RFTN2: variants seen among roughly 807,000 people sequenced by gnomAD.
RFTN2 encodes raftlin-2.
A neutral mutation model predicts 52.7 loss-of-function variants in RFTN2; 34 were observed. The observed-to-expected ratio is 0.64, with a 90% CI of 0.49 to 0.86. RFTN2 has a LOEUF of 0.86. Ranked by LOEUF, RFTN2 falls within the 40% of genes least tolerant of loss-of-function variation. The pLI is 0.00. For synonymous variants in RFTN2, 203 were observed against 217.7 expected (o/e 0.93, Z 0.59); for missense variants, 536 against 600.1 (o/e 0.89, Z 1.12).
At chr2:197,621,428 G>A (rs2088264104) in intron 5 of RFTN2, among the ~76,000 whole-genome samples, 1 of 135,126 alleles carries the variant, frequency 7.4e-6, no homozygotes, top group African/African-American at 2.8e-5. Context: ...TCAAATTGAA[G>A]GTTTGTGGCA....
chr2:197,574,859 A>T (rs975520449), intron 8 of RFTN2, among the ~76,000 whole-genome samples: 2 of 142,100 alleles, frequency 1.4e-5, no homozygotes, highest in South Asian at 4.6e-4. Flanking sequence ...CAAGAGAAAG[A>T]CTCCATCTCA....
At chr2:197,606,860 G>A (rs1349147879) in intron 7 of RFTN2, among the ~76,000 whole-genome samples, 1 of 151,952 alleles carries the variant, frequency 6.6e-6, no homozygotes, top group African/African-American at 2.4e-5. Context: ...GGAGAAATAG[G>A]AACACTTTTA....
Position 197,675,479 on chromosome 2 carries a change from A to G in RFTN2, c.-21T>C. 1 of 1,508,700 alleles carries G rather than the reference A, an allele frequency of 6.6e-7. No individual in the cohort carries two copies. The highest frequency in any genetic ancestry group is 8.9e-7 in the Non-Finnish European group (1 of 1,126,786). The allele number at this position is 1,508,700 out of a possible 1,614,324, so 93.5% of individuals were successfully genotyped here. On this transcript the variant is annotated 5_prime_UTR_variant, in exon 1 of 9. Coordinates refer to ENST00000295049, the MANE Select transcript of RFTN2 (RefSeq NM_144629.3). Reference sequence around the variant, plus strand: ...CCCATGGCAAAATCTGTAAGGAATTAAATTGCAGGAAAGGGGAGGGAGAGC... The same window carrying G: ...CCCATGGCAAAATCTGTAAGGAATTGAATTGCAGGAAAGGGGAGGGAGAGC...
chr2:197,610,667 G>A (rs2088041861), intron 7 of RFTN2, among the ~76,000 whole-genome samples: 1 of 152,108 alleles, frequency 6.6e-6, no homozygotes, highest in East Asian at 1.9e-4. Flanking sequence ...GGAGTGGTGA[G>A]AGAGGGCATC....
At chr2:197,630,920 G>T in intron 5 of RFTN2, 91 bp downstream of exon 5, 1 of 816,760 alleles carries the variant, frequency 1.2e-6, no homozygotes, top group Non-Finnish European at 2.1e-6. Flanking sequence ...TGTCCTTTCA[G>T]CCATAGAACT....
At chr2:197,595,644 C>T (rs1171328914) in intron 8 of RFTN2, among the ~76,000 whole-genome samples, 1 of 152,212 alleles carries the variant, frequency 6.6e-6, no homozygotes, top group Admixed American at 6.5e-5. Flanking sequence ...GGTGATTAGA[C>T]ACGTTTACAA....
intron 7 of RFTN2, among the ~76,000 whole-genome samples, chr2:197,599,465 GAA>G (rs2087847150): frequency 6.6e-6 from 1 of 152,156 alleles, no homozygotes; most frequent in South Asian, 2.1e-4. Flanking sequence ...CCCAAATTAT[GAA>G]AGAGTATCTC....
At chr2:197,649,600 T>C (rs540092412) in intron 1 of RFTN2, among the ~76,000 whole-genome samples, 18 of 152,304 alleles carry the variant, frequency 1.2e-4, no homozygotes, top group African/African-American at 4.1e-4. Flanking sequence ...TTGGAGTCAC[T>C]GTCAGGGCAC....
chr2:197,662,500 C>T (rs1289454070), intron 1 of RFTN2, among the ~76,000 whole-genome samples: 1 of 152,174 alleles, frequency 6.6e-6, no homozygotes, highest in Non-Finnish European at 1.5e-5. Context: ...TGTTTGGCTA[C>T]TATAACCTTC....
chr2:197,603,007 G>C (rs2087903138), intron 7 of RFTN2, among the ~76,000 whole-genome samples: 1 of 152,174 alleles, frequency 6.6e-6, no homozygotes, highest in African/African-American at 2.4e-5. Context: ...CTCACTCATA[G>C]GTGGGAATTG....
intron 1 of RFTN2, among the ~76,000 whole-genome samples, chr2:197,674,560 C>T (rs960314695): frequency 6.6e-6 from 1 of 151,972 alleles, no homozygotes; most frequent in East Asian, 1.9e-4. Flanking sequence ...TTTACTACTT[C>T]ATAATTAAAG....
intron 6 of RFTN2, among the ~76,000 whole-genome samples, chr2:197,616,977 GAC>G (rs2088155678): frequency 6.6e-6 from 1 of 152,218 alleles, no homozygotes; most frequent in African/African-American, 2.4e-5. Flanking sequence ...ACACCTCAAA[GAC>G]AGTCCATTCA....
intron 1 of RFTN2, 51 bp from the exon 2 acceptor site, chr2:197,646,717 T>C (rs757826165): frequency 7.1e-6 from 10 of 1,408,220 alleles, no homozygotes; most frequent in South Asian, 5.0e-5. Context: ...GATTGAATTA[T>C]ACATTATTTC....
intron 8 of RFTN2, among the ~76,000 whole-genome samples, chr2:197,593,769 C>T (rs911113098): frequency 6.6e-6 from 1 of 151,412 alleles, no homozygotes; most frequent in African/African-American, 2.4e-5. Context: ...TGCCTGTAGT[C>T]CCAGCTACTC....
chr2:197,629,404 T>A (rs983348426), intron 5 of RFTN2, among the ~76,000 whole-genome samples: 1 of 151,828 alleles, frequency 6.6e-6, no homozygotes, highest in Non-Finnish European at 1.5e-5. Context: ...ATGAGAACAC[T>A]TGGACACAGG....
intron 3 of RFTN2, among the ~76,000 whole-genome samples, chr2:197,639,395 G>T (rs1392786309): frequency 6.6e-6 from 1 of 151,836 alleles, no homozygotes; most frequent in Non-Finnish European, 1.5e-5. Context: ...CGTAGATTTG[G>T]TCTTTTCACA....
At chr2:197,649,604 A>G (rs1359985478) in intron 1 of RFTN2, among the ~76,000 whole-genome samples, 1 of 152,184 alleles carries the variant, frequency 6.6e-6, no homozygotes, top group Non-Finnish European at 1.5e-5. Flanking sequence ...AGTCACTGTC[A>G]GGGCACATGT....
chr2:197,610,192 T>C (rs2088032848), intron 7 of RFTN2, among the ~76,000 whole-genome samples: 1 of 152,216 alleles, frequency 6.6e-6, no homozygotes, highest in African/African-American at 2.4e-5. Context: ...ATCGAATCTG[T>C]AAATTACCTT....
At chr2:197,620,932 C>T (rs1378074386) in intron 5 of RFTN2, among the ~76,000 whole-genome samples, 2 of 152,202 alleles carry the variant, frequency 1.3e-5, no homozygotes, top group African/African-American at 4.8e-5. Context: ...TGCCATTGTA[C>T]TTCAGCCTGG....
Sources: gnomAD v4.1 joint callset for allele counts (sites outside exome capture counted in the v4.1 genomes callset) on GRCh38, gnomAD v4.1.1 for gene constraint, MANE v1.5 for transcripts, NCBI Gene and HGNC (gene_info 2026-07-23, HGNC 2026-07-21) for gene names.